TBC1D5: variants seen among roughly 807,000 people sequenced by gnomAD.
TBC1D5 encodes the protein TBC1 domain family member 5.
Under a neutral mutation model 100.3 loss-of-function variants are expected in TBC1D5, and 75 were observed. The ratio of observed to expected loss-of-function variants is 0.75; its 90% confidence interval spans 0.62 to 0.91. The LOEUF is 0.91. Among genes scored for constraint, TBC1D5 ranks in the 40% least tolerant of loss-of-function variants. TBC1D5 has a pLI of 0.00. For missense variants in TBC1D5, 910 were observed against 942.4 expected, an observed-to-expected ratio of 0.97 and a Z score of 0.45; for synonymous variants, 323 against 325.6, an observed-to-expected ratio of 0.99 and a Z score of 0.09.
At chr3:17,489,843 A>G (rs144577533) in intron 3 of TBC1D5, among the ~76,000 whole-genome samples, 1 of 152,306 alleles carries the variant, frequency 6.6e-6, no homozygotes, top group Non-Finnish European at 1.5e-5. Context: ...GTTGTAATAG[A>G]TTGATTTATA....
At chr3:17,286,462 C>A (rs1474634681) in intron 15 of TBC1D5, among the ~76,000 whole-genome samples, 2 of 152,140 alleles carry the variant, frequency 1.3e-5, no homozygotes, top group Admixed American at 1.3e-4. Context: ...AGATTGTCCT[C>A]CTTCTATCCC....
chr3:17,581,896 G>A (rs545753669), intron 2 of TBC1D5, among the ~76,000 whole-genome samples: 1 of 152,186 alleles, frequency 6.6e-6, no homozygotes, highest in Non-Finnish European at 1.5e-5. Context: ...AGGCTGTTCT[G>A]TGAATGCATC....
At chr3:17,364,053 T>C (rs1189947258) in intron 13 of TBC1D5, among the ~76,000 whole-genome samples, 2 of 152,000 alleles carry the variant, frequency 1.3e-5, no homozygotes, top group Admixed American at 6.6e-5. Flanking sequence ...GACTGAAATT[T>C]TGAAGTAGTC....
upstream of TBC1D5, among the ~76,000 whole-genome samples, chr3:17,741,221 A>G (rs1444885040): frequency 1.3e-5 from 2 of 152,262 alleles, no homozygotes; most frequent in South Asian, 2.1e-4. Flanking sequence ...TGCATTTTTA[A>G]TAAGAGCCCC....
At chr3:17,164,607 C>T (rs887535049) in intron 21 of TBC1D5, among the ~76,000 whole-genome samples, 1 of 152,208 alleles carries the variant, frequency 6.6e-6, no homozygotes, top group Admixed American at 6.5e-5. Flanking sequence ...CTGGGGGTAG[C>T]CTGTCCACGG....
chr3:17,705,499 T>C, intron 1 of TBC1D5, among the ~76,000 whole-genome samples: 1 of 142,960 alleles, frequency 7.0e-6, no homozygotes. Context: ...GACGGGGTGG[T>C]TGCCAGGCGG....
intron 1 of TBC1D5, among the ~76,000 whole-genome samples, chr3:17,679,983 C>T (rs1319240142): frequency 1.3e-5 from 2 of 151,398 alleles, no homozygotes; most frequent in East Asian, 3.9e-4. Context: ...GTGAAACTTC[C>T]TTATGGAGCA....
chr3:17,381,669 T>C (rs1241351475), intron 9 of TBC1D5, among the ~76,000 whole-genome samples: 1 of 152,046 alleles, frequency 6.6e-6, no homozygotes, highest in Non-Finnish European at 1.5e-5. Context: ...ATAGATTTTT[T>C]CCCCCAGTCT....
At chr3:17,406,065 T>G (rs1242407799) in intron 5 of TBC1D5, among the ~76,000 whole-genome samples, 1 of 152,046 alleles carries the variant, frequency 6.6e-6, no homozygotes, top group Non-Finnish European at 1.5e-5. Flanking sequence ...TGGTTTGATA[T>G]AATAGGAACC....
intron 13 of TBC1D5, among the ~76,000 whole-genome samples, chr3:17,344,092 T>C (rs1358593852): frequency 6.6e-6 from 1 of 152,166 alleles, no homozygotes; most frequent in East Asian, 1.9e-4. Context: ...TGCTTTCTCT[T>C]GTGGGCATTT....
At chr3:17,496,188 C>G (rs1475938425) in intron 3 of TBC1D5, among the ~76,000 whole-genome samples, 1 of 152,104 alleles carries the variant, frequency 6.6e-6, no homozygotes, top group South Asian at 2.1e-4. Flanking sequence ...TAAATAATAG[C>G]TTGTACACTA....
intron 1 of TBC1D5, among the ~76,000 whole-genome samples, chr3:17,735,543 T>C (rs2076896735): frequency 6.6e-6 from 1 of 152,174 alleles, no homozygotes; most frequent in South Asian, 2.1e-4. Flanking sequence ...CTGGGGTTCT[T>C]GGCCTCACAG....
chr3:17,198,132 GA>G (rs1331581515), intron 18 of TBC1D5, among the ~76,000 whole-genome samples: 1 of 152,212 alleles, frequency 6.6e-6, no homozygotes, highest in Non-Finnish European at 1.5e-5. Flanking sequence ...GGTAATTGCA[GA>G]AAAGTTTTAG....
In TBC1D5 at chr3:17,424,003, T is replaced by C. The variant is rs575068392; in HGVS notation, c.167+4447A>G. 3.9e-5 allele frequency among the ~76,000 whole-genome samples: 6 copies of C among 152,136 alleles called. No homozygotes were observed. In the South Asian group the frequency reaches 1.2e-3, roughly 32 times the overall value. On this transcript the variant is annotated intron_variant, in intron 4 of 21. Transcript: ENST00000253692. ...TGAATAAATGAGCCAACAAATAAGT[T>C]ATTTTCTATATTGGGAATTATGACA...
rs370666287 is a variant in TBC1D5 at position 17,161,267 on chromosome 3, C to T, written c.2095-11G>A. The T allele has an allele frequency of 2.5e-6, 4 of 1,600,690 alleles. No individual in the cohort carries two copies. The highest frequency in any genetic ancestry group is 3.4e-6 in the Non-Finnish European group (4 of 1,172,596). On this transcript the variant is annotated splice_polypyrimidine_tract_variant and intron_variant, in intron 21 of 21. Transcript: ENST00000253692. ...CGTTTCTGAAGAGGCCTGTGAAGTA[C>T]AGTCAGAAGTACAGGTGGATGAAAG...
intron 13 of TBC1D5, among the ~76,000 whole-genome samples, chr3:17,324,092 T>C (rs912640154): frequency 1.3e-5 from 2 of 152,192 alleles, no homozygotes; most frequent in African/African-American, 4.8e-5. Context: ...TTTTCACAAA[T>C]GATGTTGGAA....
chr3:17,328,527 A>T (rs1452837434), intron 13 of TBC1D5, among the ~76,000 whole-genome samples: 2 of 152,222 alleles, frequency 1.3e-5, no homozygotes, highest in South Asian at 2.1e-4. Context: ...TCACTGAGAC[A>T]GTGGCAGAAC....
At chr3:17,551,205 C>G (rs1185344558) in intron 2 of TBC1D5, among the ~76,000 whole-genome samples, 1 of 152,076 alleles carries the variant, frequency 6.6e-6, no homozygotes, top group South Asian at 2.1e-4. Flanking sequence ...ATCGGTCATA[C>G]AGCAATACAA....
At chr3:17,674,322 C>T (rs1324771475) in intron 1 of TBC1D5, among the ~76,000 whole-genome samples, 1 of 152,094 alleles carries the variant, frequency 6.6e-6, no homozygotes, top group Non-Finnish European at 1.5e-5. Context: ...TAAATTTGTA[C>T]ATGAAAACAA....
Sources: allele counts gnomAD v4.1 joint callset (sites outside exome capture counted in the v4.1 genomes callset), GRCh38; gene constraint gnomAD v4.1.1; transcripts MANE v1.5; gene names NCBI Gene and HGNC (gene_info 2026-07-23, HGNC 2026-07-21).